The following ARHGEF3 variants were observed in gnomAD, a reference collection of about 807,000 sequenced individuals.
The protein encoded by ARHGEF3 is 59.8 kDA protein.
ARHGEF3 carries 28 observed loss-of-function variants against 63.2 expected under a neutral mutation model. The observed-to-expected ratio is 0.44, with a 90% CI of 0.33 to 0.61. ARHGEF3 has a LOEUF of 0.61. Among genes scored for constraint, ARHGEF3 ranks in the 20% least tolerant of loss-of-function variants. The probability of loss-of-function intolerance (pLI) is 0.03; values close to 1 mark genes in which losing one functional copy is unlikely to be tolerated. For missense variants in ARHGEF3, 533 were observed against 659.3 expected, an observed-to-expected ratio of 0.81 and a Z score of 2.10; for synonymous variants, 266 against 254.2, an observed-to-expected ratio of 1.05 and a Z score of -0.44.
chr3:56,971,551 T>TTTTTTTTTTTTTTGAGACGG (rs1560097810), intron 2 of ARHGEF3, among the ~76,000 whole-genome samples: 3 of 151,976 alleles, frequency 2.0e-5, no homozygotes, highest in African/African-American at 7.3e-5. Flanking sequence ...CCAGGGCTTT[T>TTTTTTTTTTTTTTGAGACGG]AAGAGCACTT....
chr3:56,911,113 C>T (rs1029009789), intron 3 of ARHGEF3, among the ~76,000 whole-genome samples: 7 of 152,108 alleles, frequency 4.6e-5, no homozygotes, highest in Admixed American at 4.6e-4. Flanking sequence ...AGAACTTGAT[C>T]CTCAGATTCC....
intron 2 of ARHGEF3, among the ~76,000 whole-genome samples, chr3:56,979,364 C>T (rs1305630198): frequency 6.6e-6 from 1 of 152,240 alleles, no homozygotes; most frequent in Non-Finnish European, 1.5e-5. Flanking sequence ...GGGACAGGTT[C>T]ACAGTGTTAT....
chr3:57,047,430 G>A (rs1704502946), intron 1 of ARHGEF3, among the ~76,000 whole-genome samples: 1 of 152,030 alleles, frequency 6.6e-6, no homozygotes, highest in Non-Finnish European at 1.5e-5. Flanking sequence ...AAACTATTGG[G>A]ACTTAAATTC....
At chr3:56,818,664 G>A (rs568296228) in intron 4 of ARHGEF3, among the ~76,000 whole-genome samples, 1 of 152,172 alleles carries the variant, frequency 6.6e-6, no homozygotes, top group Non-Finnish European at 1.5e-5. Context: ...ATTCTTTTTC[G>A]TGAGAATGAG....
At chr3:56,941,695 T>C (rs1699196498) in intron 3 of ARHGEF3, among the ~76,000 whole-genome samples, 1 of 152,220 alleles carries the variant, frequency 6.6e-6, no homozygotes, top group African/African-American at 2.4e-5. Flanking sequence ...TTATAAAAAA[T>C]ATGTAACTAA....
chr3:56,778,752 C>G (rs2036404180), intron 1 of ARHGEF3, among the ~76,000 whole-genome samples: 1 of 152,168 alleles, frequency 6.6e-6, no homozygotes, highest in Admixed American at 6.5e-5. Flanking sequence ...CCAGACTGGT[C>G]TCAAATTCCT....
chr3:56,769,548 C>G (rs951619515), intron 2 of ARHGEF3, among the ~76,000 whole-genome samples: 1 of 152,220 alleles, frequency 6.6e-6, no homozygotes, highest in East Asian at 1.9e-4. Context: ...GCACAGGAAG[C>G]AAGAGAGAAC....
chr3:56,877,376 C>CTTTTTTTTTTTT (rs755860299), intron 4 of ARHGEF3, among the ~76,000 whole-genome samples: 1 of 136,962 alleles, frequency 7.3e-6, no homozygotes, highest in African/African-American at 2.7e-5. Flanking sequence ...TACTATAATC[C>CTTTTTTTTTTTT]TTTTTTTTTT....
intron 2 of ARHGEF3, chr3:57,007,463 C>T (rs1375129257): frequency 1.1e-6 from 1 of 944,612 alleles, no homozygotes; most frequent in African/African-American, 1.7e-5. Context: ...CAGGTGAAAA[C>T]AGGCAGGCAT....
chr3:56,847,639 G>T (rs955071564), intron 4 of ARHGEF3, among the ~76,000 whole-genome samples: 1 of 152,120 alleles, frequency 6.6e-6, no homozygotes, highest in Non-Finnish European at 1.5e-5. Context: ...GTGCAGTGGC[G>T]TGGTCTCGGC....
intron 1 of ARHGEF3, among the ~76,000 whole-genome samples, chr3:57,061,289 C>T (rs1307654991): frequency 6.6e-6 from 1 of 152,030 alleles, no homozygotes; most frequent in Non-Finnish European, 1.5e-5. Flanking sequence ...GTCAAAAATT[C>T]CTTTATTTAT....
intron 2 of ARHGEF3, among the ~76,000 whole-genome samples, chr3:56,767,234 G>A (rs959807014): frequency 2.6e-5 from 4 of 151,734 alleles, no homozygotes; most frequent in African/African-American, 9.7e-5. Context: ...ATACCGTTAA[G>A]ACCAAAGGGA....
chr3:56,794,488 C>CAAAAAAAA lies in ARHGEF3; in HGVS notation c.96+7207_96+7214dup, dbSNP rs10557985. Among the ~76,000 whole-genome samples the CAAAAAAAA allele has an allele frequency of 3.1e-3, 361 of 116,760 alleles. 4 individuals carry two copies. Among genetic ancestry groups the CAAAAAAAA allele is most frequent in the East Asian group, 0.027 (110 of 4,082 alleles). The allele number at this position is 116,760 out of a possible 152,430, so 76.6% of individuals were successfully genotyped here. A position where few individuals can be genotyped will look rare whatever the true frequency, so the allele number is the denominator to read the frequency against. ...GGGCAATAAGAGCGAGACTCTATCT[C>CAAAAAAAA]AAAAAAAAAAAAAAAAAAAAAAAAG... On this transcript the variant is annotated intron_variant, in intron 1 of 9. Coordinates refer to ENST00000296315, the MANE Select transcript of ARHGEF3 (RefSeq NM_019555.3).
chr3:56,928,104 G>C (rs2042321658), intron 3 of ARHGEF3, among the ~76,000 whole-genome samples: 1 of 152,146 alleles, frequency 6.6e-6, no homozygotes, highest in Admixed American at 6.5e-5. Flanking sequence ...GAGCAGGAGA[G>C]TATTAACCAA....
At chr3:56,876,668 C>T (rs1309910229) in intron 4 of ARHGEF3, among the ~76,000 whole-genome samples, 1 of 145,004 alleles carries the variant, frequency 6.9e-6, no homozygotes, top group Non-Finnish European at 1.5e-5. Flanking sequence ...TTGATGGTTG[C>T]AAATCAGCAA....
intron 1 of ARHGEF3, among the ~76,000 whole-genome samples, chr3:57,046,178 C>A (rs564042795): frequency 5.4e-4 from 83 of 152,308 alleles, no homozygotes; most frequent in Admixed American, 2.0e-3. Context: ...TATCAAGGAC[C>A]TGTTCTCTAA....
chr3:56,774,455 A>G (rs1187610321), intron 1 of ARHGEF3, among the ~76,000 whole-genome samples: 1 of 152,234 alleles, frequency 6.6e-6, no homozygotes, highest in Non-Finnish European at 1.5e-5. Flanking sequence ...TACCACGGAC[A>G]TCGGTTTCTA....
At chr3:56,974,358 AC>A (rs1701040205) in intron 2 of ARHGEF3, among the ~76,000 whole-genome samples, 1 of 152,172 alleles carries the variant, frequency 6.6e-6, no homozygotes, top group Non-Finnish European at 1.5e-5. Flanking sequence ...TAAAATTAAT[AC>A]TACTTGGTAT....
chr3:56,947,112 C>G (rs368637827), intron 3 of ARHGEF3, among the ~76,000 whole-genome samples: 38 of 152,144 alleles, frequency 2.5e-4, no homozygotes, highest in East Asian at 1.9e-4. Flanking sequence ...TGCCCTAAAA[C>G]AGCTCCTGAA....
Sources: allele counts gnomAD v4.1 joint callset (sites outside exome capture counted in the v4.1 genomes callset), GRCh38; gene constraint gnomAD v4.1.1; transcripts MANE v1.5; gene names NCBI Gene and HGNC (gene_info 2026-07-23, HGNC 2026-07-21).